TRIM37: variants seen among roughly 807,000 people sequenced by gnomAD.
TRIM37 encodes the protein tripartite motif containing 37.
In TRIM37, 80 loss-of-function variants were observed where a neutral mutation model predicts 129.8. The observed-to-expected ratio is 0.62, with a 90% CI of 0.51 to 0.74. TRIM37 has a LOEUF of 0.74. Ranked by LOEUF, TRIM37 falls within the 30% of genes least tolerant of loss-of-function variation. TRIM37 has a pLI of 0.00. For missense variants in TRIM37, 1,054 were observed against 1,176.5 expected, an observed-to-expected ratio of 0.90 and a Z score of 1.52; for synonymous variants, 389 against 387.1, an observed-to-expected ratio of 1.00 and a Z score of -0.06.
intron 4 of TRIM37, among the ~76,000 whole-genome samples, chr17:59,085,705 A>G (rs1359103296): frequency 6.6e-6 from 1 of 152,202 alleles, no homozygotes; most frequent in Non-Finnish European, 1.5e-5. Context: ...TTACATAACC[A>G]AAAGAACTGA....
chr17:59,035,177 A>G (rs1162361565), intron 17 of TRIM37, among the ~76,000 whole-genome samples: 1 of 151,972 alleles, frequency 6.6e-6, no homozygotes. Flanking sequence ...CTTGTGCCTC[A>G]GCCTCCCGAG....
At chr17:59,090,586 A>AT in intron 3 of TRIM37, among the ~76,000 whole-genome samples, 1 of 151,740 alleles carries the variant, frequency 6.6e-6, no homozygotes, top group East Asian at 1.9e-4. Flanking sequence ...TACCATCTGG[A>AT]TTTTTTTGTT....
chr17:59,041,022 C>T (rs189693179), intron 17 of TRIM37, among the ~76,000 whole-genome samples: 4 of 151,248 alleles, frequency 2.6e-5, no homozygotes, highest in East Asian at 1.9e-4. Context: ...GTCCGCAGTC[C>T]GACCTGGGCG....
rs567981472 is a variant in TRIM37, at chr17:58,998,552, T to A, written c.*825A>T. The A allele has an allele frequency of 1.0e-6, 1 of 985,386 alleles. No homozygotes were observed. Among genetic ancestry groups the A allele is most frequent in the South Asian group, 4.7e-5 (1 of 21,284 alleles). The allele number at this position is 985,386 out of a possible 1,614,324, so 61.0% of individuals were successfully genotyped here. A position where few individuals can be genotyped will look rare whatever the true frequency, so the allele number is the denominator to read the frequency against. On this transcript the variant is annotated 3_prime_UTR_variant, in exon 24 of 24. Coordinates refer to ENST00000262294, the MANE Select transcript of TRIM37 (RefSeq NM_015294.6). Reference sequence around the variant, plus strand: ...GCCACTGTGCAACATGAATGAATCTTTAAATGTGTTGACACTGAAATCAAT... The same window carrying A: ...GCCACTGTGCAACATGAATGAATCTATAAATGTGTTGACACTGAAATCAAT...
chr17:58,988,953 A>AC (rs1417974222), intron 24 of TRIM37, among the ~76,000 whole-genome samples: 1 of 152,242 alleles, frequency 6.6e-6, no homozygotes, highest in Non-Finnish European at 1.5e-5. Context: ...GCCATAATAT[A>AC]TTAATTCAAC....
intron 9 of TRIM37, among the ~76,000 whole-genome samples, chr17:59,068,511 T>C (rs2146695230): frequency 6.6e-6 from 1 of 152,296 alleles, no homozygotes; most frequent in African/African-American, 2.4e-5. Flanking sequence ...AGAAAACAAA[T>C]CTTCAAAACT....
rs149322661 is a variant in TRIM37 at position 59,048,564 on chromosome 17, T to G, written c.1530+614A>C. 3.5e-3 allele frequency among the ~76,000 whole-genome samples: 531 copies of G among 152,372 alleles called. 4 individuals are homozygous for G. The highest frequency in any genetic ancestry group is 0.012 in the African/African-American group (494 of 41,588). On this transcript the variant is annotated intron_variant, in intron 15 of 23. Transcript: ENST00000262294. ...CCTACGTAAGTAATGATAAGGCATGTACTAGTTTCAGTGAATGAAAATAGA... is the reference window on the plus strand; with the variant it reads ...CCTACGTAAGTAATGATAAGGCATGGACTAGTTTCAGTGAATGAAAATAGA...
chr17:58,982,813 A>G, exon 25 of TRIM37: 4 of 1,196,544 alleles, frequency 3.3e-6, no homozygotes, highest in Non-Finnish European at 4.8e-6. Flanking sequence ...GAACCTTTTC[A>G]TCATTCTGAG....
chr17:59,100,167 C>A (rs1311367180), intron 2 of TRIM37, among the ~76,000 whole-genome samples: 1 of 152,046 alleles, frequency 6.6e-6, no homozygotes, highest in Non-Finnish European at 1.5e-5. Context: ...CATTGTTTAG[C>A]TCCCAGATAC....
intron 22 of TRIM37, among the ~76,000 whole-genome samples, chr17:59,004,020 GC>G (rs2034143404): frequency 6.6e-6 from 1 of 152,022 alleles, no homozygotes; most frequent in South Asian, 2.1e-4. Context: ...GAGGAGGGAG[GC>G]CCACTTGAGC....
chr17:59,020,297 G>A (rs1421041975), intron 19 of TRIM37, among the ~76,000 whole-genome samples: 1 of 138,308 alleles, frequency 7.2e-6, no homozygotes, highest in African/African-American at 2.7e-5. Context: ...ATAATGAAAT[G>A]GTAAAAGACA....
downstream of TRIM37, chr17:58,979,878 T>C: frequency 1.0e-6 from 1 of 953,074 alleles, no homozygotes; most frequent in Non-Finnish European, 1.6e-6. Context: ...CACAATCCAG[T>C]AAGCTGTGAT....
intron 13 of TRIM37, among the ~76,000 whole-genome samples, chr17:59,055,675 G>C (rs1337907621): frequency 1.4e-4 from 16 of 114,722 alleles, no homozygotes; most frequent in Non-Finnish European, 2.4e-4. Flanking sequence ...GACAGAGGGA[G>C]ACTCCATCTC....
rs951217990 is a variant in TRIM37 at position 59,064,210 on chromosome 17, C to G, written c.860+145G>C. The G allele has an allele frequency of 5.9e-6, 4 of 680,868 alleles. No homozygotes were observed. In the East Asian group the frequency reaches 1.1e-4, roughly 19 times the overall value. The allele number at this position is 680,868 out of a possible 1,614,324, so 42.2% of individuals were successfully genotyped here. On this transcript the variant is annotated intron_variant, in intron 10 of 23. Coordinates refer to ENST00000262294, the MANE Select transcript of TRIM37 (RefSeq NM_015294.6). ...CAATATAATCCAGCACAAATTATCTCTACATTTCTAATAGGAAACTTATTC... is the reference window on the plus strand; with the variant it reads ...CAATATAATCCAGCACAAATTATCTGTACATTTCTAATAGGAAACTTATTC...
intron 2 of TRIM37, among the ~76,000 whole-genome samples, chr17:59,102,112 A>C (rs966657968): frequency 2.6e-5 from 4 of 152,210 alleles, no homozygotes; most frequent in Non-Finnish European, 5.9e-5. Flanking sequence ...TCCAAAAGTC[A>C]GTGCTGAAGG....
chr17:59,056,994 A>C lies in TRIM37; in HGVS notation c.1080T>G (p.Ile360Met), dbSNP rs1331431094. 2 of 1,613,860 alleles carry C rather than the reference A, an allele frequency of 1.2e-6. No homozygotes were observed. Among genetic ancestry groups the C allele is most frequent in the Non-Finnish European group, 1.7e-6 (2 of 1,179,912 alleles). ...QSCNDPTKNI[I>M]REFASDFEVG... is the part of the protein sequence containing the mutation. ...CTTCAAAGTCAGATGCAAATTCTCG[A>C]ATGATATTTTTTGTAGGATCATTAC... Residue 360 changes from isoleucine (I) to methionine (M), a missense_variant, in exon 13 of 24, where the codon ATT (isoleucine) becomes ATG (methionine). Ile to Met is a conservative substitution (Grantham distance 10). This residue lies in a region of TRIM37 where 752 missense variants were observed against 870.8 expected (regional missense o/e 0.86). Transcript: ENST00000262294.
chr17:59,083,872 G>A, intron 5 of TRIM37, 130 bp downstream of exon 5: 1 of 759,384 alleles, frequency 1.3e-6, no homozygotes, highest in Non-Finnish European at 2.3e-6. Flanking sequence ...CTTTAATAAA[G>A]CGTATAGAAA....
chr17:59,033,515 C>T (rs1425403353), intron 17 of TRIM37, among the ~76,000 whole-genome samples: 1 of 152,094 alleles, frequency 6.6e-6, no homozygotes, highest in Non-Finnish European at 1.5e-5. Flanking sequence ...TCACGGCAAC[C>T]TCCGCCTCCT....
At chr17:59,000,599 T>TA (rs543212915) in intron 23 of TRIM37, among the ~76,000 whole-genome samples, 49 of 146,696 alleles carry the variant, frequency 3.3e-4, no homozygotes, top group African/African-American at 6.7e-4. Flanking sequence ...AGACTCTGTC[T>TA]AAAAAAAAAA....
Sources: allele counts gnomAD v4.1 joint callset (sites outside exome capture counted in the v4.1 genomes callset), GRCh38; gene constraint gnomAD v4.1.1; regional missense constraint gnomAD v4.1.1; transcripts MANE v1.5; gene names NCBI Gene and HGNC (gene_info 2026-07-23, HGNC 2026-07-21).